The following SLC17A5 variants were observed in gnomAD, a reference collection of about 807,000 sequenced individuals.
SLC17A5 encodes sialin.
A neutral mutation model predicts 59.4 loss-of-function variants in SLC17A5; 47 were observed. The ratio of observed to expected loss-of-function variants is 0.79; its 90% CI spans 0.63 to 1.01. The LOEUF is 1.01. SLC17A5 is among the 50% of genes least tolerant of loss of function. The probability of loss-of-function intolerance (pLI) is 0.00; values close to 1 mark genes in which losing one functional copy is unlikely to be tolerated. For synonymous variants in SLC17A5, 202 were observed against 210.7 expected, an observed-to-expected ratio of 0.96 and a Z score of 0.36; for missense variants, 522 against 595.5, an observed-to-expected ratio of 0.88 and a Z score of 1.28.
intron 9 of SLC17A5, among the ~76,000 whole-genome samples, chr6:73,601,470 A>T (rs1767088965): frequency 7.6e-6 from 1 of 131,224 alleles, no homozygotes. Context: ...TGGGGGGGTC[A>T]GCACCCCGCC....
At chr6:73,612,634 T>C (rs1767681918) in intron 8 of SLC17A5, among the ~76,000 whole-genome samples, 1 of 152,142 alleles carries the variant, frequency 6.6e-6, no homozygotes, top group Non-Finnish European at 1.5e-5. Context: ...GAGTGCAGTG[T>C]TGTGATCATA....
At chr6:73,603,795 T>C (rs531352373) in intron 9 of SLC17A5, among the ~76,000 whole-genome samples, 1 of 152,274 alleles carries the variant, frequency 6.6e-6, no homozygotes, top group East Asian at 1.9e-4. Context: ...ATTGTATCTC[T>C]TAGGTATCAT....
intron 7 of SLC17A5, among the ~76,000 whole-genome samples, chr6:73,615,973 C>T (rs567371646): frequency 9.4e-4 from 136 of 145,346 alleles, no homozygotes; most frequent in Non-Finnish European, 1.8e-3. Flanking sequence ...GCAACCTCTG[C>T]CTCCTGGGTT....
At chr6:73,621,290 C>T (rs571968816) in intron 7 of SLC17A5, among the ~76,000 whole-genome samples, 4 of 152,314 alleles carry the variant, frequency 2.6e-5, no homozygotes, top group East Asian at 1.9e-4. Flanking sequence ...TAGGCGTGAG[C>T]GACCGCGCCT....
chr6:73,614,438 T>G (rs1333023843), intron 8 of SLC17A5, among the ~76,000 whole-genome samples: 1 of 152,162 alleles, frequency 6.6e-6, no homozygotes, highest in Non-Finnish European at 1.5e-5. Flanking sequence ...AAGAAATATA[T>G]ATTTGGTCTC....
chr6:73,638,869 A>T (rs1316742604), intron 3 of SLC17A5, among the ~76,000 whole-genome samples: 1 of 152,200 alleles, frequency 6.6e-6, no homozygotes, highest in Non-Finnish European at 1.5e-5. Context: ...AGACAACAAG[A>T]TAAGGGTTAC....
At chr6:73,595,938 A>G (rs9442926) in intron 10 of SLC17A5, among the ~76,000 whole-genome samples, 3 of 1,130 alleles carry the variant, frequency 2.7e-3, no homozygotes, top group South Asian at 0.038. Flanking sequence ...ATATACATAT[A>G]TATATATATA....
chr6:73,597,911 C>T (rs1234779729), intron 10 of SLC17A5, among the ~76,000 whole-genome samples: 2 of 152,006 alleles, frequency 1.3e-5, no homozygotes, highest in Non-Finnish European at 2.9e-5. Context: ...AAAGGAGAAA[C>T]ATGAAGAAAG....
rs573530630 is a variant in SLC17A5, at chr6:73,611,575, G to A, written c.1112-1028C>T. Among the ~76,000 whole-genome samples, 6 of 149,256 alleles carry A rather than the reference G, an allele frequency of 4.0e-5. No individual in the cohort carries two copies. The South Asian group carries it at 1.3e-3, about 31-fold the overall frequency. On this transcript the variant is annotated intron_variant, in intron 8 of 10. Transcript: ENST00000355773. ...ATTACAGGTGTGAGCCACCATGCCC[G>A]GCCTTGGTTTTTTTTTTTTCTGCCC...
At chr6:73,653,243 TCCCTC>T in intron 1 of SLC17A5, 1 of 985,398 alleles carries the variant, frequency 1.0e-6, no homozygotes, top group Non-Finnish European at 1.2e-6. Flanking sequence ...TTTTTTGTCT[TCCCTC>T]CCCGCCTAAG....
intron 2 of SLC17A5, among the ~76,000 whole-genome samples, chr6:73,643,625 TG>T (rs903581640): frequency 3.3e-5 from 5 of 151,998 alleles, no homozygotes; most frequent in Non-Finnish European, 7.4e-5. Context: ...TATAGGTGTG[TG>T]CTACCACGCC....
chr6:73,631,329 GC>G (rs1248093911), intron 6 of SLC17A5, among the ~76,000 whole-genome samples: 7 of 151,658 alleles, frequency 4.6e-5, no homozygotes, highest in Non-Finnish European at 7.4e-5. Flanking sequence ...AAACACAAAT[GC>G]CATAAACTAC....
rs183994454 is a variant in SLC17A5, at chr6:73,599,002, A to C, written c.1350+1349T>G. ...TCCGTCTCAAAAAAAAAAACCAAAA[A>C]ACACACACACACACAAACAAAAAAC... On this transcript the variant is annotated intron_variant, in intron 10 of 10. Transcript: ENST00000355773. Among the ~76,000 whole-genome samples the C allele has an allele frequency of 1.8e-3, 270 of 150,522 alleles. 1 individual carries two copies. The highest frequency in any genetic ancestry group is 6.1e-3 in the African/African-American group (251 of 41,104).
chr6:73,641,414 C>T lies in SLC17A5; in HGVS notation c.525+277G>A, dbSNP rs547374439. Among the ~76,000 whole-genome samples, 3 of 152,272 alleles carry T rather than the reference C, an allele frequency of 2.0e-5. No homozygotes were observed. The East Asian group carries it at 5.8e-4, about 29-fold the overall frequency. On this transcript the variant is annotated intron_variant, in intron 3 of 10. Transcript: ENST00000355773. ...ATTTATTAATGGTTTATTTTCTTCT[C>T]TCCTAAAGTATGAGCTATGAAGTCT...
Position 73,647,798 on chromosome 6 carries a change from T to C in SLC17A5, c.95-3195A>G, listed in dbSNP as rs998483108. ...GAAAATAAAAAGCGGCCAGGCACGGTGGCTCACGCCTGTAATCCCAGCACT... is the reference window on the plus strand; with the variant it reads ...GAAAATAAAAAGCGGCCAGGCACGGCGGCTCACGCCTGTAATCCCAGCACT... On this transcript the variant is annotated intron_variant, in intron 1 of 10. Transcript: ENST00000355773. 4.4e-4 allele frequency among the ~76,000 whole-genome samples: 67 copies of C among 152,242 alleles called. 2 individuals are homozygous for C. The highest frequency in any genetic ancestry group is 1.6e-4 in the Non-Finnish European group (11 of 68,044).
intron 6 of SLC17A5, among the ~76,000 whole-genome samples, chr6:73,627,210 G>A (rs1056807779): frequency 6.6e-6 from 1 of 152,028 alleles, no homozygotes; most frequent in Non-Finnish European, 1.5e-5. Context: ...CTGAGTAGCT[G>A]GGACTACAGG....
chr6:73,617,384 A>G (rs1767923490), intron 7 of SLC17A5, among the ~76,000 whole-genome samples: 1 of 152,218 alleles, frequency 6.6e-6, no homozygotes, highest in South Asian at 2.1e-4. Flanking sequence ...ATTTGTGGCA[A>G]AATCCTGTAT....
intron 6 of SLC17A5, 95 bp downstream of exon 6, chr6:73,635,287 T>C: frequency 4.1e-6 from 3 of 738,160 alleles, no homozygotes; most frequent in South Asian, 1.5e-5. Context: ...GTCTAGAGCA[T>C]GCACAATAGG....
At chr6:73,609,611 G>A (rs1741894) in intron 9 of SLC17A5, among the ~76,000 whole-genome samples, 16,354 of 152,152 alleles carry the variant, frequency 0.11, 1,058 homozygotes, top group Middle Eastern at 0.18. Context: ...GTGCCATGGA[G>A]AGCCCTGAGG....
Sources: gnomAD v4.1 joint callset for allele counts (sites outside exome capture counted in the v4.1 genomes callset) on GRCh38, gnomAD v4.1.1 for gene constraint, MANE v1.5 for transcripts, NCBI Gene and HGNC (gene_info 2026-07-23, HGNC 2026-07-21) for gene names.